Variants in PPP3CA observed in about 807,000 individuals in gnomAD.
The protein encoded by PPP3CA is CAM-PRP catalytic subunit.
In PPP3CA, 14 loss-of-function variants were observed where a neutral mutation model predicts 66.5. That is an observed-to-expected ratio of 0.21 (90% CI 0.14 to 0.33). The LOEUF is 0.33. Ranked by LOEUF, PPP3CA falls within the 10% of genes least tolerant of loss-of-function variation. The probability of loss-of-function intolerance (pLI) is 1.00; values close to 1 mark genes in which losing one functional copy is unlikely to be tolerated. For synonymous variants in PPP3CA, 232 were observed against 226.2 expected, an observed-to-expected ratio of 1.03 and a Z score of -0.23; for missense variants, 317 against 639.5, an observed-to-expected ratio of 0.50 and a Z score of 5.44.
chr4:101,082,586 T>C (rs1729486385), intron 7 of PPP3CA, among the ~76,000 whole-genome samples: 1 of 152,206 alleles, frequency 6.6e-6, no homozygotes, highest in South Asian at 2.1e-4. Context: ...TTCATAATTT[T>C]CTAAACCTCC....
At chr4:101,173,023 C>T (rs533453270) in intron 2 of PPP3CA, among the ~76,000 whole-genome samples, 2 of 152,140 alleles carry the variant, frequency 1.3e-5, no homozygotes, top group Non-Finnish European at 2.9e-5. Context: ...CACATGTACA[C>T]GGAGCTCCAC....
intron 2 of PPP3CA, among the ~76,000 whole-genome samples, chr4:101,175,472 C>T (rs1168243781): frequency 1.3e-5 from 2 of 152,080 alleles, no homozygotes; most frequent in African/African-American, 4.8e-5. Context: ...AGTGGCAGGT[C>T]CACCATTCCT....
chr4:101,124,710 A>AAAGAAAGG (rs1722156376), intron 2 of PPP3CA, among the ~76,000 whole-genome samples: 1 of 99,192 alleles, frequency 1.0e-5, no homozygotes, highest in South Asian at 3.4e-4. Flanking sequence ...AGAAAGAAAG[A>AAAGAAAGG]AAGAAAGAAA....
At chr4:101,250,811 C>A (rs1456998607) in intron 1 of PPP3CA, among the ~76,000 whole-genome samples, 3 of 151,868 alleles carry the variant, frequency 2.0e-5, no homozygotes, top group Non-Finnish European at 2.9e-5. Flanking sequence ...CAAGTGTATT[C>A]TTCTTGATAA....
At chr4:101,286,453 A>G (rs1727850732) in intron 1 of PPP3CA, among the ~76,000 whole-genome samples, 1 of 152,258 alleles carries the variant, frequency 6.6e-6, no homozygotes, top group African/African-American at 2.4e-5. Context: ...TTTAGGTCAT[A>G]AAGTTTTGCA....
chr4:101,249,085 G>A (rs1260605316), intron 1 of PPP3CA, among the ~76,000 whole-genome samples: 7 of 151,802 alleles, frequency 4.6e-5, no homozygotes, highest in Admixed American at 1.3e-4. Flanking sequence ...GCGTGAACCC[G>A]GGAAGCGGAG....
chr4:101,205,647 A>T (rs1725108265), intron 1 of PPP3CA, among the ~76,000 whole-genome samples: 2 of 152,108 alleles, frequency 1.3e-5, no homozygotes, highest in African/African-American at 2.4e-5. Flanking sequence ...CACATTTTCC[A>T]TGCCCACATG....
chr4:101,139,791 A>G (rs1722747670), intron 2 of PPP3CA, among the ~76,000 whole-genome samples: 1 of 150,154 alleles, frequency 6.7e-6, no homozygotes, highest in African/African-American at 2.5e-5. Flanking sequence ...CACAAAAGAT[A>G]AAAGGCTTTG....
chr4:101,108,205 G>GT (rs1721503282), intron 3 of PPP3CA: 1 of 152,202 alleles, frequency 6.6e-6, no homozygotes, highest in East Asian at 1.9e-4. Flanking sequence ...TACAGCAGCT[G>GT]TAAGTGTACT....
intron 6 of PPP3CA, among the ~76,000 whole-genome samples, chr4:101,091,046 T>C (rs1406072302): frequency 6.6e-6 from 1 of 152,058 alleles, no homozygotes; most frequent in Non-Finnish European, 1.5e-5. Context: ...ATTATATAAG[T>C]TCAGTATGGG....
intron 1 of PPP3CA, among the ~76,000 whole-genome samples, chr4:101,273,616 C>T (rs1430391019): frequency 6.6e-6 from 1 of 152,176 alleles, no homozygotes; most frequent in Non-Finnish European, 1.5e-5. Context: ...TGAGCCACCA[C>T]ACCTGGCCTT....
chr4:101,161,149 T>C (rs1182855125), intron 2 of PPP3CA, among the ~76,000 whole-genome samples: 2 of 152,164 alleles, frequency 1.3e-5, no homozygotes, highest in Admixed American at 6.6e-5. Context: ...TACAGGTTTG[T>C]AGCCGAGAAG....
chr4:101,042,039 C>T (rs938014710), intron 10 of PPP3CA, among the ~76,000 whole-genome samples: 1 of 152,014 alleles, frequency 6.6e-6, no homozygotes, highest in African/African-American at 2.4e-5. Context: ...TCTACTGTTT[C>T]CCTTAGAGGG....
chr4:101,266,703 A>G (rs948195874), intron 1 of PPP3CA, among the ~76,000 whole-genome samples: 2 of 152,200 alleles, frequency 1.3e-5, no homozygotes, highest in Non-Finnish European at 2.9e-5. Flanking sequence ...CAGTCCATAC[A>G]GGTCTAGCAA....
At chr4:101,114,338 C>G (rs1721774625) in intron 2 of PPP3CA, among the ~76,000 whole-genome samples, 1 of 152,056 alleles carries the variant, frequency 6.6e-6, no homozygotes, top group Admixed American at 6.6e-5. Context: ...TGGAGCATTA[C>G]TATTCATATC....
At chr4:101,107,909 C>T (rs1721489977) in intron 3 of PPP3CA, among the ~76,000 whole-genome samples, 1 of 151,882 alleles carries the variant, frequency 6.6e-6, no homozygotes, top group Admixed American at 6.6e-5. Context: ...TTTTGATAGC[C>T]CATGTCAGCT....
At chr4:101,128,976 C>T (rs150128712) in intron 2 of PPP3CA, among the ~76,000 whole-genome samples, 41 of 152,218 alleles carry the variant, frequency 2.7e-4, no homozygotes, top group African/African-American at 9.9e-4. Flanking sequence ...CCCATGGAGC[C>T]CAGCAAGCTA....
At chr4:101,294,280 G>A (rs1387596146) in intron 1 of PPP3CA, among the ~76,000 whole-genome samples, 2 of 152,184 alleles carry the variant, frequency 1.3e-5, no homozygotes, top group African/African-American at 4.8e-5. Context: ...GTACTAACGT[G>A]GGACTCCAAG....
chr4:101,063,471 G>T, intron 8 of PPP3CA, 114 bp from the exon 9 acceptor site: 1 of 1,260,744 alleles, frequency 7.9e-7, no homozygotes, highest in Non-Finnish European at 1.1e-6. Context: ...AAACATCCAG[G>T]CTCACACCTT....
Sources: gnomAD v4.1 joint callset for allele counts (sites outside exome capture counted in the v4.1 genomes callset) on GRCh38, gnomAD v4.1.1 for gene constraint, MANE v1.5 for transcripts, NCBI Gene and HGNC (gene_info 2026-07-23, HGNC 2026-07-21) for gene names.